The following KCNH5 variants were observed in gnomAD, a reference collection of about 807,000 sequenced individuals.
KCNH5 encodes the protein voltage-gated delayed rectifier potassium channel KCNH5.
In KCNH5, 46 loss-of-function variants were observed where a neutral mutation model predicts 96.1. The observed-to-expected ratio is 0.48, with a 90% CI of 0.38 to 0.61. KCNH5 has a LOEUF of 0.61. Among genes scored for constraint, KCNH5 ranks in the 20% least tolerant of loss-of-function variants. The probability of loss-of-function intolerance (pLI) is 0.00; values close to 1 mark genes in which losing one functional copy is unlikely to be tolerated. For synonymous variants in KCNH5, 439 were observed against 449.8 expected (o/e 0.98, Z 0.30); for missense variants, 907 against 1,225.8 (o/e 0.74, Z 3.88).
intron 7 of KCNH5, among the ~76,000 whole-genome samples, chr14:62,860,265 G>C (rs1888007185): frequency 6.6e-6 from 1 of 152,100 alleles, no homozygotes; most frequent in South Asian, 2.1e-4. Context: ...TTCATCTATG[G>C]GGGCCTGCCA....
chr14:62,881,271 T>C (rs1422875666), intron 7 of KCNH5, among the ~76,000 whole-genome samples: 2 of 152,156 alleles, frequency 1.3e-5, no homozygotes, highest in Non-Finnish European at 2.9e-5. Context: ...ACATCACTTG[T>C]TTAAAGATTT....
intron 7 of KCNH5, among the ~76,000 whole-genome samples, chr14:62,941,808 A>G (rs1293555386): frequency 6.6e-6 from 1 of 152,148 alleles, no homozygotes; most frequent in Non-Finnish European, 1.5e-5. Context: ...TTTTTCTAAT[A>G]TTAGGAAAGG....
At chr14:62,781,855 G>A (rs1886225876) in intron 9 of KCNH5, among the ~76,000 whole-genome samples, 2 of 150,928 alleles carry the variant, frequency 1.3e-5, no homozygotes, top group Non-Finnish European at 2.9e-5. Flanking sequence ...ATCCTCCTCA[G>A]CTGACAGGAT....
intron 8 of KCNH5, among the ~76,000 whole-genome samples, chr14:62,846,993 A>G (rs867800532): frequency 4.7e-5 from 7 of 148,322 alleles, no homozygotes; most frequent in Admixed American, 6.7e-5. Flanking sequence ...GTAGAGACAG[A>G]GTTTCACAGT....
intron 1 of KCNH5, among the ~76,000 whole-genome samples, chr14:63,035,295 G>C (rs758506439): frequency 2.0e-5 from 3 of 152,162 alleles, no homozygotes; most frequent in African/African-American, 4.8e-5. Flanking sequence ...CTAATGGCAA[G>C]ATAAATGATG....
intron 9 of KCNH5, among the ~76,000 whole-genome samples, chr14:62,789,653 C>A (rs1886391403): frequency 6.6e-6 from 1 of 151,932 alleles, no homozygotes; most frequent in Non-Finnish European, 1.5e-5. Context: ...CTCATAATGA[C>A]TTTAATTTGC....
intron 9 of KCNH5, among the ~76,000 whole-genome samples, chr14:62,794,005 A>C (rs536905945): frequency 6.6e-6 from 1 of 152,120 alleles, no homozygotes; most frequent in Non-Finnish European, 1.5e-5. Context: ...GAAAGAGGAG[A>C]GTGGAATGTA....
intron 9 of KCNH5, among the ~76,000 whole-genome samples, chr14:62,797,680 A>G (rs562071744): frequency 6.6e-6 from 1 of 152,120 alleles, no homozygotes; most frequent in South Asian, 2.1e-4. Context: ...TTTGAGCAGT[A>G]TAAGTTATAA....
At chr14:62,990,872 T>C (rs763864685) in intron 4 of KCNH5, among the ~76,000 whole-genome samples, 1 of 151,984 alleles carries the variant, frequency 6.6e-6, no homozygotes, top group Non-Finnish European at 1.5e-5. Flanking sequence ...CTTCTTCACA[T>C]GGTGGCAGGA....
At chr14:62,958,118 C>T (rs1320442460) in intron 6 of KCNH5, among the ~76,000 whole-genome samples, 2 of 152,182 alleles carry the variant, frequency 1.3e-5, no homozygotes, top group Admixed American at 1.3e-4. Context: ...AACATTATCC[C>T]AAATAGGAAA....
At chr14:62,966,284 T>C (rs1890304150) in intron 6 of KCNH5, among the ~76,000 whole-genome samples, 1 of 152,186 alleles carries the variant, frequency 6.6e-6, no homozygotes, top group Admixed American at 6.6e-5. Context: ...TATTTATCAG[T>C]AGACTCAGAA....
chr14:62,809,267 C>T (rs1886827774), intron 8 of KCNH5, among the ~76,000 whole-genome samples: 1 of 152,040 alleles, frequency 6.6e-6, no homozygotes, highest in African/African-American at 2.4e-5. Flanking sequence ...TAGTTATTTG[C>T]TTAAGTGCAA....
chr14:62,830,090 C>T (rs894406338), intron 8 of KCNH5, among the ~76,000 whole-genome samples: 1 of 152,200 alleles, frequency 6.6e-6, no homozygotes, highest in Non-Finnish European at 1.5e-5. Flanking sequence ...AGTCTCTTTG[C>T]TAAATCATAG....
intron 7 of KCNH5, among the ~76,000 whole-genome samples, chr14:62,898,591 A>G (rs1005087079): frequency 9.2e-5 from 14 of 152,276 alleles, no homozygotes; most frequent in African/African-American, 2.6e-4. Flanking sequence ...TTAAAAAAAT[A>G]TAACTATGTA....
intron 9 of KCNH5, among the ~76,000 whole-genome samples, chr14:62,794,548 A>G (rs1336012964): frequency 6.6e-6 from 1 of 152,020 alleles, no homozygotes; most frequent in Admixed American, 6.6e-5. Context: ...TGACTACAAT[A>G]ATTACTTTCT....
At chr14:63,028,517 T>G (rs1891567148) in intron 1 of KCNH5, among the ~76,000 whole-genome samples, 1 of 152,144 alleles carries the variant, frequency 6.6e-6, no homozygotes, top group Non-Finnish European at 1.5e-5. Flanking sequence ...AGGTCAGAAG[T>G]GGCAACTAGA....
Position 62,849,665 on chromosome 14 carries a change from A to G in KCNH5, c.1557T>C (p.Ile519=), listed in dbSNP as rs759624671. Residue 519 remains isoleucine, a synonymous_variant, in exon 8 of 11, where the codon ATT becomes ATC. Coordinates refer to ENST00000322893, the MANE Select transcript of KCNH5 (RefSeq NM_139318.5). ...IVSTWSMSKG[I]DTEKVLSICP... Reference sequence around the variant, plus strand: ...TAATAACCCATACCTTTTCTGTATCAATGCCTTTTGACATGGACCATGTTG... The same window carrying G: ...TAATAACCCATACCTTTTCTGTATCGATGCCTTTTGACATGGACCATGTTG... 23 of 1,613,338 alleles carry G rather than the reference A, an allele frequency of 1.4e-5. 1 individual carries two copies. The East Asian group carries it at 4.2e-4, about 30-fold the overall frequency.
chr14:62,904,609 G>A (rs994584105), intron 7 of KCNH5, among the ~76,000 whole-genome samples: 18 of 152,218 alleles, frequency 1.2e-4, no homozygotes, highest in African/African-American at 4.3e-4. Flanking sequence ...ACATGTCACA[G>A]AAAGTAAGCC....
intron 3 of KCNH5, among the ~76,000 whole-genome samples, chr14:63,002,315 G>A (rs1891025874): frequency 1.3e-5 from 2 of 152,160 alleles, no homozygotes; most frequent in Non-Finnish European, 2.9e-5. Context: ...ATAACAAATA[G>A]AAATATGTGA....
Sources: gnomAD v4.1 joint callset for allele counts (sites outside exome capture counted in the v4.1 genomes callset) on GRCh38, gnomAD v4.1.1 for gene constraint, MANE v1.5 for transcripts, NCBI Gene and HGNC (gene_info 2026-07-23, HGNC 2026-07-21) for gene names.